PHKA2: variants seen among roughly 807,000 people sequenced by gnomAD.
PHKA2 encodes the protein phosphorylase b kinase regulatory subunit alpha, liver isoform.
PHKA2 carries 31 observed loss-of-function variants against 102.0 expected under a neutral mutation model. The observed-to-expected ratio is 0.30, with a 90% CI of 0.23 to 0.41. The LOEUF (loss-of-function observed/expected upper bound fraction) is 0.41, where lower values mean the gene tolerates loss of function less well. Ranked by LOEUF, PHKA2 falls within the 10% of genes least tolerant of loss-of-function variation. The pLI is 1.00. For synonymous variants in PHKA2, 455 were observed against 416.2 expected (o/e 1.09, Z -1.13); for missense variants, 858 against 1,023.1 (o/e 0.84, Z 2.20).
chrX:18,920,782 T>C (rs2048103287), intron 17 of PHKA2, among the ~76,000 whole-genome samples: 1 of 111,914 alleles, frequency 8.9e-6, no homozygotes, highest in Admixed American at 9.5e-5. Context: ...ACCTGGACGC[T>C]GGGTTTGGCA....
chrX:18,973,188 A>G (rs1421009612), intron 1 of PHKA2, among the ~76,000 whole-genome samples: 1 of 111,292 alleles, frequency 9.0e-6, no homozygotes, highest in Non-Finnish European at 1.9e-5. Context: ...TATTTTTAGT[A>G]GAGACGGGGT....
chrX:18,974,773 C>T (rs2049062782), intron 1 of PHKA2, among the ~76,000 whole-genome samples: 1 of 110,955 alleles, frequency 9.0e-6, no homozygotes, highest in Non-Finnish European at 1.9e-5. Context: ...ACCCTTATGA[C>T]CTAATCATCT....
At chrX:18,895,073 C>A in intron 31 of PHKA2, 65 bp downstream of exon 31, 4 of 1,009,882 alleles carry the variant, frequency 4.0e-6, no homozygotes, top group Non-Finnish European at 5.6e-6. Flanking sequence ...AGGTCAGAGT[C>A]CATGCAATGA....
In PHKA2 at chrX:18,894,729, G is replaced by A. The variant is rs942762514; in HGVS notation, c.3337-325C>T. ...CAGCATGAAGCATGGTGCTTTGGGT[G>A]GGGTAAAACTAAAAAAAAATCCATG... On this transcript the variant is annotated intron_variant, in intron 31 of 32. Transcript: ENST00000379942. 7.0e-5 allele frequency: 27 copies of A among 383,682 alleles called. No homozygotes were observed. The Admixed American group carries it at 1.2e-3, about 17-fold the overall frequency. 31.6% of individuals were successfully genotyped at this position (383,682 alleles called of 1,213,427 possible).
chrX:18,923,047 C>CTTTT (rs775796728), intron 17 of PHKA2, among the ~76,000 whole-genome samples: 2 of 82,534 alleles, frequency 2.4e-5, no homozygotes, highest in South Asian at 5.8e-4. Flanking sequence ...TGAGATTCTC[C>CTTTT]TTTTTTTTTT....
chrX:18,933,398 G>A lies in PHKA2; in HGVS notation c.1138-1650C>T, dbSNP rs190758624. On this transcript the variant is annotated intron_variant, in intron 11 of 32. Transcript: ENST00000379942. ...GCAAGCTCACAGGGACAGAGCTGGC[G>A]CTGTAGCCACCCTTGTGCCCCAGTA... Among the ~76,000 whole-genome samples, 663 of 113,068 alleles carry A rather than the reference G, an allele frequency of 5.9e-3. 4 individuals carry two copies. The highest frequency in any genetic ancestry group is 0.02 in the African/African-American group (630 of 31,172).
intron 11 of PHKA2, 62 bp downstream of exon 11, chrX:18,935,993 C>T (rs754548972): frequency 1.2e-5 from 9 of 743,292 alleles, no homozygotes; most frequent in Non-Finnish European, 1.9e-5. Context: ...TACCAACAGG[C>T]CAAGCAATGA....
Position 18,893,497 on chromosome X carries a change from G to A in PHKA2, c.3696C>T (p.Cys1232=). The change falls in exon 33 of 33, where the codon TGC becomes TGT. Residue 1232 remains cysteine (C), a synonymous_variant. Transcript: ENST00000379942. The part of the protein sequence containing the change: ...YLQELLPNSG[C]QMQ Reference sequence around the variant, plus strand: ...TCCAGGTGAGACCCTATTGCATCTGGCAGCCCGAATTGGGCAACAATTCCT... The same window carrying A: ...TCCAGGTGAGACCCTATTGCATCTGACAGCCCGAATTGGGCAACAATTCCT... The A allele has an allele frequency of 2.5e-6, 3 of 1,211,176 alleles. No individual in the cohort carries two copies. The highest frequency in any genetic ancestry group is 2.2e-6 in the Non-Finnish European group (2 of 894,950).
chrX:18,930,157 G>A (rs1378939151), intron 12 of PHKA2, among the ~76,000 whole-genome samples: 2 of 112,266 alleles, frequency 1.8e-5, no homozygotes, highest in Non-Finnish European at 3.8e-5. Context: ...TACATGTTAA[G>A]TATATCTGCA....
At chrX:18,905,205 G>A (rs2047784531) in intron 26 of PHKA2, among the ~76,000 whole-genome samples, 1 of 112,146 alleles carries the variant, frequency 8.9e-6, no homozygotes. Context: ...ACAGAGTTTT[G>A]CTCTGTCGCC....
intron 32 of PHKA2, 131 bp downstream of exon 32, chrX:18,894,073 T>G (rs1344872233): frequency 4.8e-6 from 3 of 622,839 alleles, no homozygotes; most frequent in Non-Finnish European, 2.6e-6. Context: ...TCTAAGCAAG[T>G]GGTTGACATT....
chrX:18,896,958 T>TGG (rs1213051007), intron 30 of PHKA2, among the ~76,000 whole-genome samples: 4 of 111,551 alleles, frequency 3.6e-5, no homozygotes, highest in African/African-American at 1.3e-4. Flanking sequence ...TGCTGGCATC[T>TGG]GGCGGGTAGA....
Position 18,897,022 on chromosome X carries a change from C to A in PHKA2, c.3282+141G>T, listed in dbSNP as rs2047572532. 7.1e-6 allele frequency: 5 copies of A among 700,525 alleles called. No individual in the cohort carries two copies. In the East Asian group the frequency reaches 1.6e-4, roughly 22 times the overall value. The allele number at this position is 700,525 out of a possible 1,213,427, so 57.7% of individuals were successfully genotyped here. ...CGCACAGGCCCCCTAGCAGAGAATG[C>A]CTCGGCCCCAGGTGCCAACAGCGCT... On this transcript the variant is annotated intron_variant, in intron 30 of 32. Coordinates refer to ENST00000379942, the MANE Select transcript of PHKA2 (RefSeq NM_000292.3).
At chrX:18,906,664 G>A (rs376180693) in intron 24 of PHKA2, 40 bp from the exon 25 acceptor site, 1 of 1,186,137 alleles carries the variant, frequency 8.4e-7, no homozygotes, top group Non-Finnish European at 1.1e-6. Flanking sequence ...TCAGAGACAG[G>A]GTGAGTGGCT....
In PHKA2 at chrX:18,942,774, G is replaced by A. The variant is rs551455049; in HGVS notation, c.717+936C>T. 2.8e-5 allele frequency among the ~76,000 whole-genome samples: 3 copies of A among 108,098 alleles called. No homozygotes were observed. In the South Asian group the frequency reaches 1.2e-3, roughly 45 times the overall value. 93.9% of individuals were successfully genotyped at this position (108,098 alleles called of 115,157 possible). On this transcript the variant is annotated intron_variant, in intron 7 of 32. Coordinates refer to ENST00000379942, the MANE Select transcript of PHKA2 (RefSeq NM_000292.3). ...GAGGCGGGAGGACTGCTTGAGCCCAGTAGTTTGAGGTTACAGGGAGCTATG... is the reference window on the plus strand; with the variant it reads ...GAGGCGGGAGGACTGCTTGAGCCCAATAGTTTGAGGTTACAGGGAGCTATG...
chrX:18,978,712 CA>C (rs1185873975), intron 1 of PHKA2, among the ~76,000 whole-genome samples: 1 of 107,910 alleles, frequency 9.3e-6, no homozygotes, highest in African/African-American at 3.4e-5. Flanking sequence ...GACTCTGTCT[CA>C]AAAAAAAATT....
intron 1 of PHKA2, among the ~76,000 whole-genome samples, chrX:18,955,147 T>C (rs998569110): frequency 2.7e-5 from 3 of 112,457 alleles, no homozygotes; most frequent in South Asian, 3.6e-4. Flanking sequence ...ATACAAACAA[T>C]GAAACATTAT....
Position 18,943,418 on chromosome X carries a change from A to T in PHKA2, c.717+292T>A, listed in dbSNP as rs187002647. 6.2e-5 allele frequency among the ~76,000 whole-genome samples: 7 copies of T among 112,399 alleles called. No individual in the cohort carries two copies. In the East Asian group the frequency reaches 2.0e-3, roughly 32 times the overall value. ...TATGTGCTCAAAAGACATAAAACAG[A>T]CTTTGCCTCTTGCAAAACAAGGCTG... is the stretch of plus-strand genomic sequence containing the variant. On this transcript the variant is annotated intron_variant, in intron 7 of 32. Coordinates refer to ENST00000379942, the MANE Select transcript of PHKA2 (RefSeq NM_000292.3).
At chrX:18,983,770 G>A in intron 1 of PHKA2, 85 bp downstream of exon 1, 3 of 827,357 alleles carry the variant, frequency 3.6e-6, no homozygotes, top group East Asian at 3.1e-5. Flanking sequence ...AAGGTCTCAG[G>A]TCACAAGAGG....
Sources: allele counts gnomAD v4.1 joint callset (sites outside exome capture counted in the v4.1 genomes callset), GRCh38; gene constraint gnomAD v4.1.1; transcripts MANE v1.5; gene names NCBI Gene and HGNC (gene_info 2026-07-23, HGNC 2026-07-21).